SHISA9: variants seen among roughly 807,000 people sequenced by gnomAD.
SHISA9 encodes the protein protein shisa-9.
SHISA9 carries 13 observed loss-of-function variants against 38.0 expected under a neutral mutation model. That is an observed-to-expected ratio of 0.34 (90% CI 0.22 to 0.54). The LOEUF is 0.54. Among genes scored for constraint, SHISA9 ranks in the 20% least tolerant of loss-of-function variants. The pLI is 0.91. For synonymous variants in SHISA9, 275 were observed against 242.0 expected, an observed-to-expected ratio of 1.14 and a Z score of -1.27; for missense variants, 538 against 575.8, an observed-to-expected ratio of 0.93 and a Z score of 0.67.
the SHISA9 span, among the ~76,000 whole-genome samples, chr16:13,494,111 A>G: frequency 6.6e-6 from 1 of 152,232 alleles, no homozygotes; most frequent in East Asian, 1.9e-4. Context: ...AGTGGTAGGA[A>G]CAGTGTACTC....
At chr16:13,392,276 A>G in the SHISA9 span, among the ~76,000 whole-genome samples, 5 of 152,202 alleles carry the variant, frequency 3.3e-5, no homozygotes, top group African/African-American at 1.2e-4. Context: ...ATAAGGCCCT[A>G]CTGGAGTGTG....
chr16:13,444,307 G>A, the SHISA9 span, among the ~76,000 whole-genome samples: 1 of 151,706 alleles, frequency 6.6e-6, no homozygotes, highest in Non-Finnish European at 1.5e-5. Context: ...GAGGGTGGAA[G>A]TTGCAGTGAG....
In SHISA9 at chr16:13,215,362, A is replaced by G. The variant is rs566348801; in HGVS notation, c.895+2062A>G. ...GGGAAAGAGAGCTTTACATCAGTGT[A>G]TTTAATGAGAATCCCCTGACTACCT... On this transcript the variant is annotated intron_variant, in intron 4 of 4. Transcript: ENST00000558583. Among the ~76,000 whole-genome samples the G allele has an allele frequency of 1.2e-3, 180 of 152,352 alleles. 1 individual carries two copies. The highest frequency in any genetic ancestry group is 4.2e-3 in the African/African-American group (174 of 41,588).
At chr16:13,100,632 T>A (rs2073869300) in intron 2 of SHISA9, among the ~76,000 whole-genome samples, 1 of 152,188 alleles carries the variant, frequency 6.6e-6, no homozygotes, top group Non-Finnish European at 1.5e-5. Flanking sequence ...TCCAGAAGTG[T>A]GCACTCCAGG....
chr16:13,092,480 G>A (rs1405852884), intron 2 of SHISA9, among the ~76,000 whole-genome samples: 2 of 152,350 alleles, frequency 1.3e-5, no homozygotes, highest in African/African-American at 4.8e-5. Context: ...GCTCCGTCCA[G>A]TTCGAGCTTC....
At chr16:13,360,420 A>G in the SHISA9 span, among the ~76,000 whole-genome samples, 27 of 152,276 alleles carry the variant, frequency 1.8e-4, no homozygotes, top group African/African-American at 5.8e-4. Flanking sequence ...GTGGGAGGCA[A>G]TTGAATCATG....
intron 4 of SHISA9, among the ~76,000 whole-genome samples, chr16:13,226,347 C>T (rs1217152842): frequency 1.3e-5 from 2 of 152,214 alleles, no homozygotes; most frequent in East Asian, 3.8e-4. Context: ...GGCACCAGTT[C>T]AGTGCCTACA....
intron 2 of SHISA9, among the ~76,000 whole-genome samples, chr16:13,172,063 C>T (rs1458107112): frequency 6.6e-6 from 1 of 151,942 alleles, no homozygotes; most frequent in African/African-American, 2.4e-5. Flanking sequence ...CCTTCCTTTC[C>T]CCCCTTTCCC....
chr16:13,364,806 C>G, the SHISA9 span, among the ~76,000 whole-genome samples: 84 of 152,230 alleles, frequency 5.5e-4, no homozygotes, highest in African/African-American at 1.8e-3. Context: ...AGCTAATTTC[C>G]TTGATTAGAG....
chr16:13,043,394 G>A (rs943985319), intron 2 of SHISA9, among the ~76,000 whole-genome samples: 12 of 152,196 alleles, frequency 7.9e-5, no homozygotes, highest in Admixed American at 7.9e-4. Context: ...TTAGTAAACA[G>A]CTAGCTACTT....
At chr16:13,391,926 A>C in the SHISA9 span, among the ~76,000 whole-genome samples, 2 of 152,216 alleles carry the variant, frequency 1.3e-5, no homozygotes, top group Non-Finnish European at 2.9e-5. Context: ...GATATTCTTC[A>C]AAAGTGACTA....
chr16:13,478,233 A>T, the SHISA9 span, among the ~76,000 whole-genome samples: 1 of 152,182 alleles, frequency 6.6e-6, no homozygotes, highest in Non-Finnish European at 1.5e-5. Context: ...ACTGAGGGGC[A>T]TCCTCCTGTT....
intron 2 of SHISA9, among the ~76,000 whole-genome samples, chr16:12,925,036 C>G (rs760351534): frequency 1.3e-5 from 2 of 151,256 alleles, no homozygotes; most frequent in African/African-American, 2.4e-5. Context: ...GAATGAGTGA[C>G]TATTGGTGCG....
the SHISA9 span, among the ~76,000 whole-genome samples, chr16:13,433,459 G>T: frequency 6.6e-6 from 1 of 152,198 alleles, no homozygotes; most frequent in South Asian, 2.1e-4. Context: ...ATGTGCATGA[G>T]ATACATCACA....
the SHISA9 span, among the ~76,000 whole-genome samples, chr16:13,467,033 G>A: frequency 1.1e-4 from 17 of 152,292 alleles, no homozygotes; most frequent in African/African-American, 4.1e-4. Context: ...ATTAAGTATG[G>A]CTTAAAGAGA....
chr16:13,150,129 C>G (rs1056750395), intron 2 of SHISA9, among the ~76,000 whole-genome samples: 41 of 149,608 alleles, frequency 2.7e-4, no homozygotes, highest in African/African-American at 8.8e-4. Flanking sequence ...AGGCCCCATT[C>G]TTTTCCTTTT....
At chr16:13,346,150 T>C in the SHISA9 span, among the ~76,000 whole-genome samples, 1 of 152,198 alleles carries the variant, frequency 6.6e-6, no homozygotes, top group African/African-American at 2.4e-5. Flanking sequence ...GTGTCTATCA[T>C]TCCATGCTCC....
the SHISA9 span, among the ~76,000 whole-genome samples, chr16:13,462,727 C>G: frequency 6.6e-6 from 1 of 151,894 alleles, no homozygotes; most frequent in Non-Finnish European, 1.5e-5. Flanking sequence ...TTTAGGAGGC[C>G]GAGGCGGGGG....
the SHISA9 span, among the ~76,000 whole-genome samples, chr16:13,282,273 T>C: frequency 3.3e-5 from 5 of 151,988 alleles, no homozygotes; most frequent in African/African-American, 1.2e-4. Context: ...GTATATAGAC[T>C]TTTTGATTGC....
Sources: gnomAD v4.1 joint callset for allele counts (sites outside exome capture counted in the v4.1 genomes callset) on GRCh38, gnomAD v4.1.1 for gene constraint, MANE v1.5 for transcripts, NCBI Gene and HGNC (gene_info 2026-07-23, HGNC 2026-07-21) for gene names.